Variants in ERICH3 observed in about 807,000 individuals in gnomAD.
ERICH3 encodes glutamate-rich protein 3.
A neutral mutation model predicts 131.1 loss-of-function variants in ERICH3; 126 were observed. The ratio of observed to expected loss-of-function variants is 0.96; its 90% CI spans 0.83 to 1.11. ERICH3 has a LOEUF of 1.11. Among genes scored for constraint, ERICH3 ranks in the 50% most tolerant of loss-of-function variants. The probability of loss-of-function intolerance (pLI) is 0.00; values close to 1 mark genes in which losing one functional copy is unlikely to be tolerated. For synonymous variants in ERICH3, 695 were observed against 644.6 expected (o/e 1.08, Z -1.18); for missense variants, 2,050 against 1,810.7 (o/e 1.13, Z -2.40).
At chr1:74,657,201 C>T (rs1016420194) in intron 1 of ERICH3, among the ~76,000 whole-genome samples, 1 of 152,128 alleles carries the variant, frequency 6.6e-6, no homozygotes, top group Non-Finnish European at 1.5e-5. Context: ...AGTGATCGTA[C>T]TAACAATTTT....
intron 7 of ERICH3, among the ~76,000 whole-genome samples, chr1:74,628,686 A>G (rs974694036): frequency 1.3e-5 from 2 of 148,162 alleles, no homozygotes; most frequent in Non-Finnish European, 3.0e-5. Context: ...TCAACTCTCC[A>G]TATACAGTAC....
At chr1:74,637,346 C>T (rs1175010488) in intron 5 of ERICH3, among the ~76,000 whole-genome samples, 1 of 152,138 alleles carries the variant, frequency 6.6e-6, no homozygotes, top group Non-Finnish European at 1.5e-5. Flanking sequence ...TCCAATTCCT[C>T]TGTTCCCCCA....
intron 6 of ERICH3, among the ~76,000 whole-genome samples, chr1:74,633,916 C>T (rs898501128): frequency 6.6e-6 from 1 of 151,990 alleles, no homozygotes; most frequent in Non-Finnish European, 1.5e-5. Context: ...CATTTTCAAT[C>T]AAGTCATTAT....
At chr1:74,619,415 C>G (rs1220831412) in intron 8 of ERICH3, among the ~76,000 whole-genome samples, 1 of 152,156 alleles carries the variant, frequency 6.6e-6, no homozygotes, top group Non-Finnish European at 1.5e-5. Context: ...TCAGCATTCT[C>G]CTAAATCAAT....
intron 9 of ERICH3, among the ~76,000 whole-genome samples, chr1:74,612,402 A>G (rs980490377): frequency 1.3e-5 from 2 of 152,234 alleles, no homozygotes; most frequent in Non-Finnish European, 2.9e-5. Context: ...AAAATGCACT[A>G]GCTTTTATCT....
chr1:74,583,902 TAAAA>T (rs1287114096), intron 12 of ERICH3, among the ~76,000 whole-genome samples: 44 of 152,328 alleles, frequency 2.9e-4, no homozygotes, highest in Admixed American at 1.7e-3. Context: ...GATCCCATCT[TAAAA>T]CATGTTAAGA....
At chr1:74,640,595 C>T (rs964091240) in intron 5 of ERICH3, among the ~76,000 whole-genome samples, 1 of 152,068 alleles carries the variant, frequency 6.6e-6, no homozygotes, top group African/African-American at 2.4e-5. Context: ...AACCATCAAC[C>T]TCCAGCAAAT....
At chr1:74,586,558 T>A in intron 12 of ERICH3, 1 of 880,892 alleles carries the variant, frequency 1.1e-6, no homozygotes, top group Non-Finnish European at 1.4e-6. Context: ...TCAAAAACCT[T>A]AAAATATCTA....
chr1:74,616,166 TATATATATATACAC>T (rs1201154071), intron 8 of ERICH3, among the ~76,000 whole-genome samples: 1 of 151,444 alleles, frequency 6.6e-6, no homozygotes, highest in Non-Finnish European at 1.5e-5. Flanking sequence ...CATGGCCAGC[TATATATATATACAC>T]ATATATATAT....
In ERICH3 at chr1:74,673,711, C is replaced by T. The variant is rs1646763365; in HGVS notation, c.-192G>A. 4.4e-6 allele frequency: 2 copies of T among 459,222 alleles called. No individual in the cohort carries two copies. Among genetic ancestry groups the T allele is most frequent in the Non-Finnish European group, 7.5e-6 (2 of 266,182 alleles). The allele number at this position is 459,222 out of a possible 1,614,324, so 28.4% of individuals were successfully genotyped here. A position where few individuals can be genotyped will look rare whatever the true frequency, so the allele number is the denominator to read the frequency against. The stretch of plus-strand genomic sequence containing the variant: ...ACCCGCAGCCTCCCGGGCTCCCACC[C>T]TCCGTTGGTATCCACAGCTTCCCTG... On this transcript the variant is annotated 5_prime_UTR_variant, in exon 1 of 15. Transcript: ENST00000326665.
At chr1:74,637,657 C>T (rs867606012) in intron 5 of ERICH3, among the ~76,000 whole-genome samples, 7 of 152,108 alleles carry the variant, frequency 4.6e-5, no homozygotes, top group Admixed American at 4.6e-4. Context: ...CAGCGGCTCA[C>T]ACCTATAATC....
intron 9 of ERICH3, among the ~76,000 whole-genome samples, chr1:74,607,769 A>G (rs1407697713): frequency 6.6e-6 from 1 of 151,986 alleles, no homozygotes; most frequent in African/African-American, 2.4e-5. Context: ...ATATGAATAA[A>G]TTGTCTTCTA....
At chr1:74,646,088 T>TA (rs77858323) in intron 3 of ERICH3, among the ~76,000 whole-genome samples, 22,971 of 151,940 alleles carry the variant, frequency 0.15, 1,871 homozygotes, top group South Asian at 0.3. Context: ...CCTGTCAGAT[T>TA]AAAAAAATAT....
At chr1:74,573,534 C>T (rs781196223) in intron 13 of ERICH3, 43 bp from the exon 14 acceptor site, 24 of 1,474,436 alleles carry the variant, frequency 1.6e-5, no homozygotes, top group South Asian at 5.9e-5. Flanking sequence ...TTAATCCAAG[C>T]GAACAAGGGA....
intron 1 of ERICH3, among the ~76,000 whole-genome samples, chr1:74,665,040 T>C (rs1197657051): frequency 1.3e-5 from 2 of 152,142 alleles, no homozygotes; most frequent in Non-Finnish European, 1.5e-5. Flanking sequence ...AATGTTATTG[T>C]ATTAGGAGAT....
intron 6 of ERICH3, 43 bp from the exon 7 acceptor site, chr1:74,631,971 C>T (rs536144474): frequency 6.4e-6 from 10 of 1,552,690 alleles, no homozygotes; most frequent in African/African-American, 4.1e-5. Flanking sequence ...GAAACAGAAT[C>T]AGTGACTCAA....
chr1:74,664,518 G>T (rs1223373163), intron 1 of ERICH3, among the ~76,000 whole-genome samples: 1 of 151,974 alleles, frequency 6.6e-6, no homozygotes, highest in African/African-American at 2.4e-5. Flanking sequence ...TACAATCCAT[G>T]GCATATAGAG....
chr1:74,624,092 G>C (rs1316656464), intron 7 of ERICH3: 1 of 152,124 alleles, frequency 6.6e-6, no homozygotes, highest in Non-Finnish European at 1.5e-5. Flanking sequence ...ACTGGACACA[G>C]ACATGGAACA....
chr1:74,646,394 T>C (rs1646483852), intron 3 of ERICH3, among the ~76,000 whole-genome samples: 1 of 152,094 alleles, frequency 6.6e-6, no homozygotes, highest in Non-Finnish European at 1.5e-5. Context: ...AAATATATAA[T>C]GATGTCCATA....
Sources: allele counts gnomAD v4.1 joint callset (sites outside exome capture counted in the v4.1 genomes callset), GRCh38; gene constraint gnomAD v4.1.1; transcripts MANE v1.5; gene names NCBI Gene and HGNC (gene_info 2026-07-23, HGNC 2026-07-21).